Variants in DEPTOR observed in about 807,000 individuals in gnomAD.
DEPTOR encodes the protein DEP domain containing MTOR interacting protein, also known as DEP domain-containing mTOR-interacting protein.
A neutral mutation model predicts 41.6 loss-of-function variants in DEPTOR; 41 were observed. The observed-to-expected ratio is 0.98, with a 90% CI of 0.77 to 1.28. The LOEUF is 1.28. Among genes scored for constraint, DEPTOR ranks in the 50% most tolerant of loss-of-function variants. DEPTOR has a pLI of 0.00. For missense variants in DEPTOR, 514 were observed against 527.9 expected, an observed-to-expected ratio of 0.97 and a Z score of 0.26; for synonymous variants, 195 against 192.3, an observed-to-expected ratio of 1.01 and a Z score of -0.12.
intron 7 of DEPTOR, among the ~76,000 whole-genome samples, chr8:120,007,543 C>T (rs754388992): frequency 1.3e-5 from 2 of 152,116 alleles, no homozygotes; most frequent in African/African-American, 2.4e-5. Context: ...TCAGCATCAC[C>T]GCACCCACTC....
intron 1 of DEPTOR, among the ~76,000 whole-genome samples, chr8:119,923,281 G>T (rs983806100): frequency 4.0e-5 from 6 of 151,486 alleles, no homozygotes; most frequent in African/African-American, 7.3e-5. Context: ...TCTCTCTGTG[G>T]TGCCCGGGCT....
intron 4 of DEPTOR, among the ~76,000 whole-genome samples, chr8:119,967,977 G>C (rs1250437911): frequency 1.3e-5 from 2 of 152,088 alleles, no homozygotes; most frequent in African/African-American, 4.8e-5. Flanking sequence ...GTGCAGTTCT[G>C]CCACAGTTGG....
At chr8:119,904,309 G>A (rs757370842) in intron 1 of DEPTOR, among the ~76,000 whole-genome samples, 111 of 151,774 alleles carry the variant, frequency 7.3e-4, no homozygotes, top group Non-Finnish European at 1.3e-3. Context: ...AGTAGAGACA[G>A]GGTTTCACCT....
At chr8:120,014,711 C>T (rs1391419914) in intron 8 of DEPTOR, among the ~76,000 whole-genome samples, 1 of 151,888 alleles carries the variant, frequency 6.6e-6, no homozygotes, top group African/African-American at 2.4e-5. Context: ...TTAGTAGAGA[C>T]AGGGTTTCAC....
At chr8:119,947,423 G>C (rs1828293846) in intron 3 of DEPTOR, among the ~76,000 whole-genome samples, 1 of 152,178 alleles carries the variant, frequency 6.6e-6, no homozygotes, top group African/African-American at 2.4e-5. Context: ...AGATGGTTGA[G>C]AGTCACCAAG....
intron 4 of DEPTOR, among the ~76,000 whole-genome samples, chr8:119,991,088 T>TTCTTTCTTTC (rs1368002570): frequency 2.2e-5 from 1 of 45,794 alleles, no homozygotes; most frequent in East Asian, 1.5e-3. Flanking sequence ...CTTTCTTTCT[T>TTCTTTCTTTC]TTTCTTTCTT....
At chr8:119,972,308 C>G (rs1261431470) in intron 4 of DEPTOR, among the ~76,000 whole-genome samples, 4 of 152,178 alleles carry the variant, frequency 2.6e-5, no homozygotes, top group Non-Finnish European at 5.9e-5. Flanking sequence ...TAATCATTCT[C>G]ATTTTTGAGA....
chr8:120,030,497 G>GTTTTTTTTTTTTTTTTTTTGTT (rs1812871603), intron 8 of DEPTOR, among the ~76,000 whole-genome samples: 1 of 46,192 alleles, frequency 2.2e-5, no homozygotes, highest in Non-Finnish European at 3.7e-5. Context: ...AGGTTCATCA[G>GTTTTTTTTTTTTTTTTTTTGTT]TTTTTTTTTT....
At chr8:119,876,847 G>A (rs879905370) in intron 1 of DEPTOR, among the ~76,000 whole-genome samples, 7 of 152,148 alleles carry the variant, frequency 4.6e-5, no homozygotes, top group Non-Finnish European at 1.0e-4. Flanking sequence ...AGACAATGAA[G>A]ATGAATGTAT....
At chr8:120,003,218 G>A in intron 6 of DEPTOR, 107 bp downstream of exon 6, 1 of 1,519,322 alleles carries the variant, frequency 6.6e-7, no homozygotes, top group East Asian at 2.3e-5. Flanking sequence ...GTTCTAATAA[G>A]TTAGAGCATG....
At chr8:119,919,410 G>A (rs944634727) in intron 1 of DEPTOR, among the ~76,000 whole-genome samples, 1 of 152,032 alleles carries the variant, frequency 6.6e-6, no homozygotes, top group African/African-American at 2.4e-5. Flanking sequence ...CATCTGAACC[G>A]AGAAAAGAGA....
intron 1 of DEPTOR, among the ~76,000 whole-genome samples, chr8:119,908,516 T>C (rs1196379188): frequency 1.4e-5 from 2 of 142,624 alleles, no homozygotes; most frequent in Non-Finnish European, 3.1e-5. Flanking sequence ...TTATTTGAAC[T>C]TGTGGAGGAG....
At chr8:120,015,477 G>A (rs72673697) in intron 8 of DEPTOR, among the ~76,000 whole-genome samples, 1,536 of 152,240 alleles carry the variant, frequency 0.01, 20 homozygotes, top group South Asian at 0.037. Flanking sequence ...TGGCAGGCCC[G>A]GTGTTTGGTA....
In DEPTOR at chr8:120,010,549, G is replaced by A. The variant is rs537096054; in HGVS notation, c.1101+1416G>A. Among the ~76,000 whole-genome samples the A allele has an allele frequency of 3.3e-5, 5 of 151,460 alleles. No individual in the cohort carries two copies. The East Asian group carries it at 5.8e-4, about 18-fold the overall frequency. ...GAGAATTGCTTGAGCCTGGGAGGCA[G>A]AGGTTGCAGTGGGCTGAGATCGCAC... On this transcript the variant is annotated intron_variant, in intron 8 of 8. Transcript: ENST00000286234.
intron 1 of DEPTOR, among the ~76,000 whole-genome samples, chr8:119,911,103 G>GTTGGCTGTTTATCT (rs1827730550): frequency 6.6e-6 from 1 of 152,254 alleles, no homozygotes; most frequent in Middle Eastern, 3.4e-3. Flanking sequence ...CACCTTCAGT[G>GTTGGCTGTTTATCT]TTGGCTGTTT....
intron 1 of DEPTOR, among the ~76,000 whole-genome samples, chr8:119,905,144 A>G (rs899256756): frequency 1.3e-5 from 2 of 151,958 alleles, no homozygotes; most frequent in South Asian, 2.1e-4. Flanking sequence ...TGAGTCTTCT[A>G]TGTGCCAGGC....
At chr8:120,019,105 C>T (rs1177031044) in intron 8 of DEPTOR, among the ~76,000 whole-genome samples, 1 of 151,920 alleles carries the variant, frequency 6.6e-6, no homozygotes, top group Non-Finnish European at 1.5e-5. Flanking sequence ...AGGAGTTTGA[C>T]ACCAGCCTGG....
rs979386608 is a variant in DEPTOR at position 120,020,640 on chromosome 8, G to C, written c.1101+11507G>C. Among the ~76,000 whole-genome samples the C allele has an allele frequency of 1.7e-4, 26 of 152,338 alleles. No homozygotes were observed. In the Middle Eastern group the frequency reaches 0.01, roughly 60 times the overall value. ...TGAGTTTCTAGTTTGTGACTGGCAG[G>C]AGGGCTGCTGTCGAAGAGGCTTGCC... On this transcript the variant is annotated intron_variant, in intron 8 of 8. Coordinates refer to ENST00000286234, the MANE Select transcript of DEPTOR (RefSeq NM_022783.4).
chr8:120,035,104 A>G (rs552322193), intron 8 of DEPTOR, among the ~76,000 whole-genome samples: 5 of 152,008 alleles, frequency 3.3e-5, no homozygotes, highest in Non-Finnish European at 7.4e-5. Flanking sequence ...GATCACTTGA[A>G]TCCAGGAATT....
Sources: allele counts gnomAD v4.1 joint callset (sites outside exome capture counted in the v4.1 genomes callset), GRCh38; gene constraint gnomAD v4.1.1; transcripts MANE v1.5; gene names NCBI Gene and HGNC (gene_info 2026-07-23, HGNC 2026-07-21).